PALLD: variants seen among roughly 807,000 people sequenced by gnomAD.
PALLD encodes palladin.
PALLD carries 61 observed loss-of-function variants against 123.5 expected under a neutral mutation model. The observed-to-expected ratio is 0.49, with a 90% CI of 0.40 to 0.61. PALLD has a LOEUF of 0.61. PALLD is among the 20% of genes least tolerant of loss of function. The pLI is 0.00. For missense variants in PALLD, 1,273 were observed against 1,377.0 expected (o/e 0.92, Z 1.20); for synonymous variants, 465 against 496.4 (o/e 0.94, Z 0.84).
chr4:168,662,635 C>G (rs1271501330), intron 2 of PALLD, among the ~76,000 whole-genome samples: 3 of 152,184 alleles, frequency 2.0e-5, no homozygotes, highest in Non-Finnish European at 4.4e-5. Context: ...GTATCTCTTT[C>G]CCTAAATGAT....
rs1220928329 is a variant in PALLD, at chr4:168,878,349, C to G, written c.1965-12573C>G. ...GCTCTGCTGCCCTCGCAGCCGCCGC[C>G]GGCGGCCGTCAACGCCCTGGGGCTG... On this transcript the variant is annotated intron_variant, in intron 10 of 21. Transcript: ENST00000505667. 1.3e-5 allele frequency: 19 copies of G among 1,519,562 alleles called. No individual in the cohort carries two copies. The highest frequency in any genetic ancestry group is 1.7e-5 in the Non-Finnish European group (19 of 1,140,394). 94.1% of individuals were successfully genotyped at this position (1,519,562 alleles called of 1,614,324 possible). A position where few individuals can be genotyped will look rare whatever the true frequency, so the allele number is the denominator to read the frequency against.
chr4:168,851,411 A>T (rs1178900824), intron 10 of PALLD, among the ~76,000 whole-genome samples: 1 of 152,138 alleles, frequency 6.6e-6, no homozygotes, highest in Non-Finnish European at 1.5e-5. Context: ...TGTTTCACCC[A>T]GGCTGGAGTG....
chr4:168,833,996 T>C (rs1318985775), intron 10 of PALLD, among the ~76,000 whole-genome samples: 3 of 149,384 alleles, frequency 2.0e-5, no homozygotes, highest in African/African-American at 7.5e-5. Flanking sequence ...AAACAGTTTT[T>C]CCCCCAATCC....
At chr4:168,602,403 C>T (rs1370299744) in intron 2 of PALLD, among the ~76,000 whole-genome samples, 1 of 152,178 alleles carries the variant, frequency 6.6e-6, no homozygotes, top group Non-Finnish European at 1.5e-5. Flanking sequence ...AGTGTGACAA[C>T]TGCCAAAAGA....
chr4:168,839,505 C>G (rs996190141), intron 10 of PALLD, among the ~76,000 whole-genome samples: 1 of 148,370 alleles, frequency 6.7e-6, no homozygotes, highest in African/African-American at 2.5e-5. Flanking sequence ...GGCAAAGGAA[C>G]TGATGAAGCA....
chr4:168,743,362 C>G (rs981862862), intron 10 of PALLD, among the ~76,000 whole-genome samples: 9 of 152,080 alleles, frequency 5.9e-5, no homozygotes, highest in Non-Finnish European at 4.4e-5. Flanking sequence ...TAATCCCCAG[C>G]AACTAGCACA....
At chr4:168,785,074 T>C (rs2150571481) in intron 10 of PALLD, among the ~76,000 whole-genome samples, 1 of 145,324 alleles carries the variant, frequency 6.9e-6, no homozygotes, top group African/African-American at 2.6e-5. Context: ...TTTTTTTTTT[T>C]TTTTTTTTTT....
chr4:168,500,461 T>C (rs932901529), intron 1 of PALLD, among the ~76,000 whole-genome samples: 6 of 152,300 alleles, frequency 3.9e-5, no homozygotes, highest in Admixed American at 1.3e-4. Context: ...ACTCTTGGAC[T>C]CAGACAATCC....
chr4:168,927,311 T>G lies in PALLD; in HGVS notation c.*1131T>G, dbSNP rs773353973. On this transcript the variant is annotated 3_prime_UTR_variant, in exon 22 of 22. Coordinates refer to ENST00000505667, the MANE Select transcript of PALLD (RefSeq NM_001166108.2). ...GAGGTAGCAAAGGCCAGGCTTTTCT[T>G]TGGTTTTCTTCAAACATAGGTGAAA... 2.7e-4 allele frequency: 63 copies of G among 232,082 alleles called. No individual in the cohort carries two copies. The Middle Eastern group carries it at 7.7e-3, about 28-fold the overall frequency. 14.4% of individuals were successfully genotyped at this position (232,082 alleles called of 1,614,324 possible).
chr4:168,823,201 G>A (rs1012660086), intron 10 of PALLD, among the ~76,000 whole-genome samples: 2 of 152,124 alleles, frequency 1.3e-5, no homozygotes, highest in Admixed American at 6.6e-5. Flanking sequence ...TGCCCAAAGT[G>A]TCAGCCCTGC....
chr4:168,642,945 G>T (rs915521960), intron 2 of PALLD, among the ~76,000 whole-genome samples: 3 of 152,246 alleles, frequency 2.0e-5, no homozygotes, highest in Non-Finnish European at 2.9e-5. Context: ...AGACGTGAAA[G>T]CTCTTTGAGA....
intron 2 of PALLD, among the ~76,000 whole-genome samples, chr4:168,572,519 C>G (rs1769099417): frequency 6.6e-6 from 1 of 151,900 alleles, no homozygotes; most frequent in East Asian, 1.9e-4. Flanking sequence ...GTTAGTAAAC[C>G]CTTTCACTAG....
At chr4:168,655,303 A>G (rs1399339740) in intron 2 of PALLD, among the ~76,000 whole-genome samples, 3 of 152,244 alleles carry the variant, frequency 2.0e-5, no homozygotes, top group Admixed American at 1.3e-4. Flanking sequence ...CTTGAAAAAG[A>G]AAGTGAATCC....
chr4:168,658,302 T>TTTTTTTTGTTTG, intron 2 of PALLD, among the ~76,000 whole-genome samples: 1 of 150,040 alleles, frequency 6.7e-6, no homozygotes. Flanking sequence ...TTTTTTTTTT[T>TTTTTTTTGTTTG]GTGATGAGAT....
At chr4:168,643,638 G>A (rs1463944916) in intron 2 of PALLD, among the ~76,000 whole-genome samples, 1 of 152,166 alleles carries the variant, frequency 6.6e-6, no homozygotes, top group African/African-American at 2.4e-5. Flanking sequence ...CTGGTTAAGA[G>A]TGTCTGAAGC....
chr4:168,897,818 GTTGT>G (rs1755547094), intron 13 of PALLD, among the ~76,000 whole-genome samples: 1 of 151,202 alleles, frequency 6.6e-6, no homozygotes, highest in South Asian at 2.1e-4. Context: ...ATGTTGATGG[GTTGT>G]TTTTTTTTTT....
chr4:168,754,432 T>TA (rs1401995134), intron 10 of PALLD, among the ~76,000 whole-genome samples: 1 of 152,252 alleles, frequency 6.6e-6, no homozygotes, highest in Non-Finnish European at 1.5e-5. Context: ...TCCTCAGTGC[T>TA]ATACAGTAAA....
At chr4:168,865,884 A>C (rs1750195763) in intron 10 of PALLD, among the ~76,000 whole-genome samples, 1 of 152,210 alleles carries the variant, frequency 6.6e-6, no homozygotes, top group South Asian at 2.1e-4. Flanking sequence ...GATTTAGTGA[A>C]GGCCACACAG....
chr4:168,678,284 G>A (rs1283210492), intron 3 of PALLD, among the ~76,000 whole-genome samples: 1 of 152,102 alleles, frequency 6.6e-6, no homozygotes, highest in Non-Finnish European at 1.5e-5. Context: ...TCTTAGTGAG[G>A]TTCATTATGA....
Sources: allele counts gnomAD v4.1 joint callset (sites outside exome capture counted in the v4.1 genomes callset), GRCh38; gene constraint gnomAD v4.1.1; transcripts MANE v1.5; gene names NCBI Gene and HGNC (gene_info 2026-07-23, HGNC 2026-07-21).